The following LRCH1 variants were observed in gnomAD, a reference collection of about 807,000 sequenced individuals.
The protein encoded by LRCH1 is leucine-rich repeat and calponin homology domain-containing protein 1.
LRCH1 carries 23 observed loss-of-function variants against 94.9 expected under a neutral mutation model. The observed-to-expected ratio is 0.24, with a 90% CI of 0.17 to 0.34. The LOEUF is 0.34. Among genes scored for constraint, LRCH1 ranks in the 10% least tolerant of loss-of-function variants. The pLI is 1.00. For synonymous variants in LRCH1, 364 were observed against 354.9 expected (o/e 1.03, Z -0.29); for missense variants, 790 against 945.9 (o/e 0.84, Z 2.16).
intron 2 of LRCH1, among the ~76,000 whole-genome samples, chr13:46,655,564 C>T (rs1054834007): frequency 6.6e-6 from 1 of 152,138 alleles, no homozygotes; most frequent in Non-Finnish European, 1.5e-5. Context: ...AATGATTAAG[C>T]AAGATTTGTT....
At position 46,742,006 on chromosome 13, in the gene LRCH1, A is replaced by G; in HGVS notation, c.*158A>G. ...AACAGTAGCAAATCAGATTTTCCAG[A>G]AGCACAAACTTTGTAGAATACAGTT... On this transcript the variant is annotated 3_prime_UTR_variant, in exon 20 of 20. Transcript: ENST00000389797. 6.7e-7 allele frequency: 1 copy of G among 1,485,644 alleles called. No individual in the cohort carries two copies. Among genetic ancestry groups the G allele is most frequent in the Non-Finnish European group, 8.9e-7 (1 of 1,126,932 alleles). The allele number at this position is 1,485,644 out of a possible 1,614,324, so 92.0% of individuals were successfully genotyped here.
intron 2 of LRCH1, among the ~76,000 whole-genome samples, chr13:46,650,645 C>T (rs996774421): frequency 1.5e-5 from 2 of 136,382 alleles, no homozygotes; most frequent in African/African-American, 5.5e-5. Flanking sequence ...ATGTTGTCTT[C>T]AAGTATTCAT....
chr13:46,586,718 T>G (rs2050439568), intron 1 of LRCH1, among the ~76,000 whole-genome samples: 1 of 152,170 alleles, frequency 6.6e-6, no homozygotes, highest in Non-Finnish European at 1.5e-5. Context: ...CATGCCCAGC[T>G]TCAGTTAATG....
At chr13:46,750,125 A>G (rs1336496831) in intron 18 of LRCH1, among the ~76,000 whole-genome samples, 1 of 152,210 alleles carries the variant, frequency 6.6e-6, no homozygotes, top group Non-Finnish European at 1.5e-5. Context: ...GGTCAGTATA[A>G]CAATGTGTGG....
At position 46,553,531 on chromosome 13, in the gene LRCH1, G is replaced by C. The variant is rs45611838; in HGVS notation, c.135G>C (p.Ala45=). 20,470 of 1,546,412 alleles carry C rather than the reference G, an allele frequency of 0.013. 169 individuals carry two copies. The highest frequency in any genetic ancestry group is 0.015 in the Non-Finnish European group (17,552 of 1,144,632). The change falls in exon 1 of 20, where the codon GCG becomes GCC. Residue 45 remains alanine, a synonymous_variant. Transcript: ENST00000389797. Reference sequence around the variant, plus strand: ...GAGGAACCGGCGCCCCCGGCGGGGCGGGTGGTGGCGGCGGTGGCAGCGGGG... The same window carrying C: ...GAGGAACCGGCGCCCCCGGCGGGGCCGGTGGTGGCGGCGGTGGCAGCGGGG... The part of the protein sequence containing the change: ...HHGGTGAPGG[A]GGGGGGSGGF...
At chr13:46,657,817 C>T (rs988028739) in intron 2 of LRCH1, among the ~76,000 whole-genome samples, 4 of 150,762 alleles carry the variant, frequency 2.7e-5, no homozygotes, top group African/African-American at 9.8e-5. Context: ...ATGTGAGCCA[C>T]CATGCCTAGC....
chr13:46,737,477 C>T (rs560436242), intron 19 of LRCH1, among the ~76,000 whole-genome samples: 1 of 152,282 alleles, frequency 6.6e-6, no homozygotes, highest in East Asian at 1.9e-4. Flanking sequence ...ATAAATGCAG[C>T]ATTTTCACAT....
intron 3 of LRCH1, among the ~76,000 whole-genome samples, chr13:46,673,601 G>T (rs1218752093): frequency 6.6e-6 from 1 of 152,178 alleles, no homozygotes; most frequent in East Asian, 1.9e-4. Flanking sequence ...TAAGATTTGG[G>T]AGCACCCCAA....
chr13:46,689,814 C>T (rs1870807112), intron 7 of LRCH1, among the ~76,000 whole-genome samples: 1 of 152,076 alleles, frequency 6.6e-6, no homozygotes, highest in South Asian at 2.1e-4. Flanking sequence ...ATAAATCATG[C>T]TTTGATAACT....
intron 16 of LRCH1, among the ~76,000 whole-genome samples, chr13:46,716,985 A>G (rs946145795): frequency 2.6e-5 from 4 of 152,160 alleles, no homozygotes; most frequent in African/African-American, 7.2e-5. Context: ...TTTAAAGGAA[A>G]TAAAGCCTAG....
chr13:46,673,746 A>ATT lies in LRCH1; in HGVS notation c.579+4615_579+4616dup, dbSNP rs546225715. Among the ~76,000 whole-genome samples the ATT allele has an allele frequency of 8.1e-4, 88 of 108,260 alleles. 2 individuals are homozygous for ATT. Among genetic ancestry groups the ATT allele is most frequent in the African/African-American group, 2.9e-3 (80 of 27,332 alleles). 71.0% of individuals were successfully genotyped at this position (108,260 alleles called of 152,430 possible). On this transcript the variant is annotated intron_variant, in intron 3 of 19. Coordinates refer to ENST00000389797, the MANE Select transcript of LRCH1 (RefSeq NM_001164211.2). ...TTAGACTCAGAGTATTCCAAATGGA[A>ATT]TTTTTTTTTTTTTTTTTTTTTTTTT...
Position 46,602,978 on chromosome 13 carries a change from G to GCATACATACATACATATATA in LRCH1, c.308-47207_308-47206insTATACATACATACATACATA, listed in dbSNP as rs1555272034. 7.3e-5 allele frequency among the ~76,000 whole-genome samples: 11 copies of GCATACATACATACATATATA among 149,818 alleles called. 1 individual carries two copies. The highest frequency in any genetic ancestry group is 2.7e-4 in the African/African-American group (11 of 40,474). ...TACATACATGCATACATACATGCATGCATACATACATACATACATACATAC... is the reference window on the plus strand; with the variant it reads ...TACATACATGCATACATACATGCATGCATACATACATACATATATACATACATACATACATACATACATAC... On this transcript the variant is annotated intron_variant, in intron 1 of 19. Coordinates refer to ENST00000389797, the MANE Select transcript of LRCH1 (RefSeq NM_001164211.2).
At chr13:46,739,313 C>T (rs1430727880) in intron 19 of LRCH1, among the ~76,000 whole-genome samples, 2 of 152,150 alleles carry the variant, frequency 1.3e-5, no homozygotes, top group Non-Finnish European at 2.9e-5. Context: ...CTATAATGGG[C>T]ATTAGCATCC....
chr13:46,730,184 T>G (rs1238675025), intron 18 of LRCH1, among the ~76,000 whole-genome samples: 1 of 152,200 alleles, frequency 6.6e-6, no homozygotes, highest in East Asian at 1.9e-4. Context: ...GGGTTAAGAA[T>G]GTAAGGTTTG....
At chr13:46,562,414 T>C (rs2050139527) in intron 1 of LRCH1, among the ~76,000 whole-genome samples, 1 of 152,214 alleles carries the variant, frequency 6.6e-6, no homozygotes, top group Admixed American at 6.5e-5. Flanking sequence ...GGAGGTTGTC[T>C]TCCTGGGTCT....
intron 9 of LRCH1, 140 bp from the exon 10 acceptor site, chr13:46,699,196 C>G (rs1414349609): frequency 1.5e-6 from 1 of 661,018 alleles, no homozygotes; most frequent in African/African-American, 1.8e-5. Context: ...TTATCTGTCC[C>G]TCCATAGATG....
chr13:46,620,180 C>T (rs2138021888), intron 1 of LRCH1, among the ~76,000 whole-genome samples: 1 of 152,228 alleles, frequency 6.6e-6, no homozygotes, highest in South Asian at 2.1e-4. Context: ...CCCCAGGCAA[C>T]CAGTGTTACC....
chr13:46,633,645 C>G (rs2051045029), intron 1 of LRCH1, among the ~76,000 whole-genome samples: 1 of 152,098 alleles, frequency 6.6e-6, no homozygotes, highest in South Asian at 2.1e-4. Flanking sequence ...ATTTTCTTTC[C>G]TCATGTTTCA....
At chr13:46,692,502 C>T (rs1194187921) in intron 7 of LRCH1, 34 bp from the exon 8 acceptor site, 2 of 1,433,254 alleles carry the variant, frequency 1.4e-6, no homozygotes, top group African/African-American at 1.4e-5. Flanking sequence ...GATAACACTT[C>T]TCTTGAGTTA....
Sources: gnomAD v4.1 joint callset for allele counts (sites outside exome capture counted in the v4.1 genomes callset) on GRCh38, gnomAD v4.1.1 for gene constraint, MANE v1.5 for transcripts, NCBI Gene and HGNC (gene_info 2026-07-23, HGNC 2026-07-21) for gene names.